The following PRKCE variants were observed in gnomAD, a reference collection of about 807,000 sequenced individuals.
PRKCE encodes the protein protein kinase C epsilon.
A neutral mutation model predicts 85.4 loss-of-function variants in PRKCE; 16 were observed. The observed-to-expected ratio is 0.19, with a 90% confidence interval of 0.13 to 0.28. PRKCE has a LOEUF of 0.28. PRKCE is among the 10% of genes least tolerant of loss of function. PRKCE has a pLI of 1.00. For missense variants in PRKCE, 573 were observed against 975.2 expected (o/e 0.59, Z 5.49); for synonymous variants, 388 against 371.5 (o/e 1.04, Z -0.51).
At position 45,991,608 on chromosome 2, in the gene PRKCE, G is replaced by GT. The variant is rs1253219580; in HGVS notation, c.823+6931dup. ...TTGCCCTCTTGATGGATGTTTACTGGTTTGTGTGTTGTCGCCATTTTAATT... is the reference window on the plus strand; with the variant it reads ...TTGCCCTCTTGATGGATGTTTACTGGTTTTGTGTGTTGTCGCCATTTTAATT... On this transcript the variant is annotated intron_variant, in intron 6 of 14. Transcript: ENST00000306156. Among the ~76,000 whole-genome samples, 95 of 152,244 alleles carry GT rather than the reference G, an allele frequency of 6.2e-4. 1 individual carries two copies. Among genetic ancestry groups the GT allele is most frequent in the African/African-American group, 2.3e-3 (94 of 41,536 alleles).
chr2:46,175,857 G>A (rs1679369614), intron 14 of PRKCE, among the ~76,000 whole-genome samples: 1 of 151,736 alleles, frequency 6.6e-6, no homozygotes, highest in Admixed American at 6.6e-5. Flanking sequence ...TCCTGAAAAA[G>A]CCTTTGGACA....
rs1680292845 is a variant in PRKCE at position 46,184,433 on chromosome 2, A to G, written c.2068-302A>G. Among the ~76,000 whole-genome samples the G allele has an allele frequency of 8.9e-6, 1 of 112,396 alleles. No individual in the cohort carries two copies. The highest frequency in any genetic ancestry group is 2.6e-4 in the South Asian group (1 of 3,920). 73.7% of individuals were successfully genotyped at this position (112,396 alleles called of 152,430 possible). A position where few individuals can be genotyped will look rare whatever the true frequency, so the allele number is the denominator to read the frequency against. ...TGGGACCTTTGCATCATACACACAC[A>G]AACACACACACACACACACACACAC... On this transcript the variant is annotated intron_variant, in intron 14 of 14. Transcript: ENST00000306156. The surrounding 1 kb of genome is among the most constrained non-coding windows in gnomAD (Gnocchi z 5.0).
intron 1 of PRKCE, among the ~76,000 whole-genome samples, chr2:45,828,632 A>G (rs1042023840): frequency 6.6e-6 from 1 of 152,146 alleles, no homozygotes; most frequent in Admixed American, 6.5e-5. Flanking sequence ...AGGATGACTG[A>G]GTTTCTTTTC....
At chr2:45,872,203 C>A (rs190716276) in intron 2 of PRKCE, among the ~76,000 whole-genome samples, 16 of 152,144 alleles carry the variant, frequency 1.1e-4, no homozygotes, top group Non-Finnish European at 1.5e-5. Flanking sequence ...GAACAGGGAG[C>A]CCTTTGCGTA....
chr2:45,852,412 G>T (rs180764950), intron 2 of PRKCE, among the ~76,000 whole-genome samples: 3 of 152,314 alleles, frequency 2.0e-5, no homozygotes, highest in African/African-American at 7.2e-5. Flanking sequence ...TGTAGTTCCT[G>T]CTCCATAATT....
At chr2:46,104,295 A>ATTTTTTT (rs1671505567) in intron 11 of PRKCE, among the ~76,000 whole-genome samples, 2 of 57,676 alleles carry the variant, frequency 3.5e-5, no homozygotes, top group African/African-American at 1.1e-4. Context: ...TTCACCTTGT[A>ATTTTTTT]CTTTTTTTTT....
intron 2 of PRKCE, among the ~76,000 whole-genome samples, chr2:45,937,608 G>T (rs187584997): frequency 1.3e-5 from 2 of 152,088 alleles, no homozygotes; most frequent in South Asian, 2.1e-4. Flanking sequence ...CCAGCTACTC[G>T]GGAGGCTGAG....
At chr2:46,105,193 C>T (rs1671601494) in intron 11 of PRKCE, among the ~76,000 whole-genome samples, 1 of 151,996 alleles carries the variant, frequency 6.6e-6, no homozygotes, top group Non-Finnish European at 1.5e-5. Context: ...AAATTTTTTT[C>T]TGAAATTATC....
In PRKCE at chr2:46,163,936, C is replaced by T. The variant is rs562874465; in HGVS notation, c.2067+4184C>T. ...ACTGAGAGACACAGGGAAGCTGAGG[C>T]GCACCCCACAGAGGCCACTGAGAGA... On this transcript the variant is annotated intron_variant, in intron 14 of 14. Transcript: ENST00000306156. 1.8e-4 allele frequency among the ~76,000 whole-genome samples: 27 copies of T among 146,262 alleles called. No homozygotes were observed. The South Asian group carries it at 3.1e-3, about 17-fold the overall frequency.
intron 1 of PRKCE, among the ~76,000 whole-genome samples, chr2:45,760,296 G>C (rs1286406416): frequency 6.6e-6 from 1 of 152,174 alleles, no homozygotes; most frequent in East Asian, 1.9e-4. Context: ...AAAGTGGCTA[G>C]TATGGTTGCT....
At chr2:46,017,656 A>G (rs957732254) in intron 10 of PRKCE, among the ~76,000 whole-genome samples, 10 of 152,228 alleles carry the variant, frequency 6.6e-5, no homozygotes, top group African/African-American at 1.9e-4. Flanking sequence ...GAACTATTTT[A>G]CATTCCCATC....
intron 1 of PRKCE, among the ~76,000 whole-genome samples, chr2:45,735,447 G>A (rs1681974016): frequency 6.6e-6 from 1 of 152,222 alleles, no homozygotes; most frequent in South Asian, 2.1e-4. Context: ...CCTCCTCCAT[G>A]GATTAGCTTT....
chr2:46,027,889 G>C (rs1461194104), intron 10 of PRKCE, among the ~76,000 whole-genome samples: 1 of 152,012 alleles, frequency 6.6e-6, no homozygotes, highest in South Asian at 2.1e-4. Context: ...AGAACTGCTG[G>C]CCCACCTTCC....
intron 2 of PRKCE, among the ~76,000 whole-genome samples, chr2:45,954,246 T>C (rs759423883): frequency 6.6e-6 from 1 of 152,190 alleles, no homozygotes; most frequent in Non-Finnish European, 1.5e-5. Flanking sequence ...TAAGTCTGTA[T>C]ACCCAAGCCA....
At chr2:46,116,007 TG>T (rs1012718408) in intron 11 of PRKCE, among the ~76,000 whole-genome samples, 1 of 152,202 alleles carries the variant, frequency 6.6e-6, no homozygotes, top group African/African-American at 2.4e-5. Flanking sequence ...GCAGGAGGAT[TG>T]GGGTGAGGTT....
intron 2 of PRKCE, among the ~76,000 whole-genome samples, chr2:45,950,998 A>G (rs1408064771): frequency 6.6e-6 from 1 of 152,176 alleles, no homozygotes; most frequent in Non-Finnish European, 1.5e-5. Context: ...AGCTCCAAAT[A>G]GTGTCCTTGT....
At position 45,764,493 on chromosome 2, in the gene PRKCE, A is replaced by G. The variant is rs187455307; in HGVS notation, c.349-78507A>G. ...TGCAATCAGGGTTCAGTTTTTAGAC[A>G]TGACCCCTGCATGTGAAAGTGAATA... On this transcript the variant is annotated intron_variant, in intron 1 of 14. Coordinates refer to ENST00000306156, the MANE Select transcript of PRKCE (RefSeq NM_005400.3). 1.0e-3 allele frequency among the ~76,000 whole-genome samples: 158 copies of G among 152,302 alleles called. 6 individuals are homozygous for G. In the South Asian group the frequency reaches 0.03, roughly 29 times the overall value.
intron 1 of PRKCE, among the ~76,000 whole-genome samples, chr2:45,655,410 C>T (rs1441459932): frequency 2.0e-5 from 3 of 151,486 alleles, no homozygotes; most frequent in Admixed American, 2.0e-4. Flanking sequence ...TTATGTGTGG[C>T]CCAAGACAAT....
At chr2:46,177,168 C>T (rs909883648) in intron 14 of PRKCE, among the ~76,000 whole-genome samples, 1 of 152,188 alleles carries the variant, frequency 6.6e-6, no homozygotes, top group African/African-American at 2.4e-5. Context: ...GTAATCCCAG[C>T]AGTTTGGAAG....
Sources: gnomAD v4.1 joint callset for allele counts (sites outside exome capture counted in the v4.1 genomes callset) on GRCh38, gnomAD v4.1.1 for gene constraint, Gnocchi (gnomAD v3.1) non-coding constraint, MANE v1.5 for transcripts, NCBI Gene and HGNC (gene_info 2026-07-23, HGNC 2026-07-21) for gene names.